The following ACCSL variants were observed in gnomAD, a reference collection of about 807,000 sequenced individuals.
The protein encoded by ACCSL is probable inactive 1-aminocyclopropane-1-carboxylate synthase-like protein 2.
ACCSL carries 55 observed loss-of-function variants against 61.7 expected under a neutral mutation model. The observed-to-expected ratio is 0.89, with a 90% CI of 0.72 to 1.12. The LOEUF is 1.12. Ranked by LOEUF, ACCSL falls within the 50% of genes most tolerant of loss-of-function variation. The pLI is 0.00. For synonymous variants in ACCSL, 258 were observed against 264.3 expected (o/e 0.98, Z 0.23); for missense variants, 632 against 698.0 (o/e 0.91, Z 1.07).
chr11:43,978,206 C>T, the ACCSL span, among the ~76,000 whole-genome samples: 3 of 151,726 alleles, frequency 2.0e-5, no homozygotes, highest in Admixed American at 6.6e-5. Flanking sequence ...ACAGGGATTT[C>T]GTCATGTTGG....
chr11:43,928,791 G>T, the ACCSL span, among the ~76,000 whole-genome samples: 3 of 152,240 alleles, frequency 2.0e-5, no homozygotes, highest in Admixed American at 2.0e-4. Flanking sequence ...TCCGCTCTCG[G>T]GAAAGAGAGT....
At chr11:44,002,945 A>C in the ACCSL span, among the ~76,000 whole-genome samples, 8 of 151,964 alleles carry the variant, frequency 5.3e-5, no homozygotes, top group African/African-American at 1.9e-4. Context: ...ACTTTCTGGG[A>C]GTAGGGAGGG....
the ACCSL span, chr11:43,933,248 T>C: frequency 1.6e-5 from 7 of 449,352 alleles, no homozygotes; most frequent in South Asian, 1.1e-4. Flanking sequence ...CCAGTCTCTA[T>C]GCTTACTAGC....
At chr11:43,966,953 T>C in the ACCSL span, among the ~76,000 whole-genome samples, 1 of 152,098 alleles carries the variant, frequency 6.6e-6, no homozygotes, top group Non-Finnish European at 1.5e-5. Context: ...ATGTATATGC[T>C]GTCTCTCTTT....
the ACCSL span, among the ~76,000 whole-genome samples, chr11:43,987,931 C>A: frequency 1.3e-5 from 2 of 152,030 alleles, no homozygotes; most frequent in South Asian, 4.2e-4. Flanking sequence ...CTTCCCCCAC[C>A]CCCCCGCAGG....
chr11:44,042,280 G>A, the ACCSL span, among the ~76,000 whole-genome samples: 1 of 152,118 alleles, frequency 6.6e-6, no homozygotes, highest in Admixed American at 6.6e-5. Context: ...GACAGTCTGG[G>A]CCAGTTACTT....
chr11:44,040,527 A>C, the ACCSL span, among the ~76,000 whole-genome samples: 2 of 152,162 alleles, frequency 1.3e-5, no homozygotes, highest in Admixed American at 6.5e-5. Flanking sequence ...TTACCTCTAA[A>C]GTCACCTTGT....
chr11:44,013,604 A>T, the ACCSL span, among the ~76,000 whole-genome samples: 3 of 152,252 alleles, frequency 2.0e-5, no homozygotes, highest in African/African-American at 7.2e-5. Context: ...AGCACGTCTT[A>T]ATAATGGTTT....
At chr11:43,948,536 C>CA in the ACCSL span, among the ~76,000 whole-genome samples, 1 of 152,146 alleles carries the variant, frequency 6.6e-6, no homozygotes. Context: ...CGCAGTGGAG[C>CA]AATCTTGGCT....
chr11:44,012,066 C>T, the ACCSL span, among the ~76,000 whole-genome samples: 5 of 151,946 alleles, frequency 3.3e-5, no homozygotes, highest in South Asian at 2.1e-4. Flanking sequence ...TTTTTCTGTC[C>T]GTCCTGCCAA....
chr11:43,950,990 C>T, the ACCSL span, among the ~76,000 whole-genome samples: 1 of 152,114 alleles, frequency 6.6e-6, no homozygotes, highest in Non-Finnish European at 1.5e-5. Context: ...GAAGGGTACA[C>T]ATATTGTAGT....
the ACCSL span, among the ~76,000 whole-genome samples, chr11:44,012,067 G>A: frequency 3.9e-5 from 6 of 151,976 alleles, no homozygotes; most frequent in South Asian, 4.1e-4. Context: ...TTTTCTGTCC[G>A]TCCTGCCAAA....
the ACCSL span, among the ~76,000 whole-genome samples, chr11:43,928,789 C>T: frequency 1.3e-5 from 2 of 152,234 alleles, no homozygotes; most frequent in African/African-American, 4.8e-5. Context: ...CCTCCGCTCT[C>T]GGGAAAGAGA....
At chr11:44,050,840 CTTTTTTT>C (rs66464203) in intron 3 of ACCSL, among the ~76,000 whole-genome samples, 1 of 126,768 alleles carries the variant, frequency 7.9e-6, no homozygotes. Context: ...GGCCTGAGTT[CTTTTTTT>C]TTTTTTTTTT....
the ACCSL span, among the ~76,000 whole-genome samples, chr11:43,946,256 GC>G: frequency 2.6e-5 from 4 of 152,062 alleles, no homozygotes; most frequent in Admixed American, 1.3e-4. Context: ...TAGCCACCAT[GC>G]CCAGCTAACT....
the ACCSL span, among the ~76,000 whole-genome samples, chr11:44,015,091 G>T: frequency 6.6e-6 from 1 of 152,240 alleles, no homozygotes; most frequent in African/African-American, 2.4e-5. Context: ...TCACCAAGTT[G>T]GTGATGGAGT....
At chr11:44,022,740 C>A in the ACCSL span, among the ~76,000 whole-genome samples, 1 of 152,078 alleles carries the variant, frequency 6.6e-6, no homozygotes. Flanking sequence ...ATTAAGTTTG[C>A]AAGTATTTTG....
At chr11:43,945,762 C>A in the ACCSL span, 3 of 151,980 alleles carry the variant, frequency 2.0e-5, no homozygotes, top group Non-Finnish European at 4.4e-5. Context: ...GGGAGAGGAT[C>A]ACCTGAGCCC....
chr11:43,963,167 C>T, the ACCSL span, among the ~76,000 whole-genome samples: 88 of 152,240 alleles, frequency 5.8e-4, no homozygotes, highest in Middle Eastern at 6.8e-3. Context: ...GGTTTGTGCC[C>T]CATGGAGAAG....
Sources: allele counts gnomAD v4.1 joint callset (sites outside exome capture counted in the v4.1 genomes callset), GRCh38; gene constraint gnomAD v4.1.1; transcripts MANE v1.5; gene names NCBI Gene and HGNC (gene_info 2026-07-23, HGNC 2026-07-21).